The following MICU1 variants were observed in gnomAD, a reference collection of about 807,000 sequenced individuals.
MICU1 encodes mitochondrial calcium uptake 1.
A neutral mutation model predicts 56.8 loss-of-function variants in MICU1; 45 were observed. The observed-to-expected ratio is 0.79, with a 90% CI of 0.62 to 1.02. MICU1 has a LOEUF of 1.02. Ranked by LOEUF, MICU1 falls within the 50% of genes least tolerant of loss-of-function variation. The pLI is 0.00. For missense variants in MICU1, 504 were observed against 587.1 expected, an observed-to-expected ratio of 0.86 and a Z score of 1.46; for synonymous variants, 186 against 195.1, an observed-to-expected ratio of 0.95 and a Z score of 0.39.
intron 9 of MICU1, among the ~76,000 whole-genome samples, chr10:72,416,929 T>G (rs572015997): frequency 6.6e-6 from 1 of 152,290 alleles, no homozygotes; most frequent in South Asian, 2.1e-4. Flanking sequence ...AGCTCAAAGC[T>G]AAGTGAGTTA....
chr10:72,555,044 AAAAC>A (rs564609068), intron 3 of MICU1, among the ~76,000 whole-genome samples: 4 of 152,098 alleles, frequency 2.6e-5, no homozygotes, highest in African/African-American at 4.8e-5. Context: ...AAAAAAACCC[AAAAC>A]AAACAAACAA....
chr10:72,452,125 C>G (rs1318435457), intron 8 of MICU1, among the ~76,000 whole-genome samples: 2 of 152,174 alleles, frequency 1.3e-5, no homozygotes, highest in African/African-American at 4.8e-5. Flanking sequence ...ACCTCGGCCT[C>G]CCAAAGTGTT....
chr10:72,427,585 C>T lies in MICU1; in HGVS notation c.934-4214G>A, dbSNP rs536353543. On this transcript the variant is annotated intron_variant, in intron 8 of 11. Transcript: ENST00000361114. ...TCCATCCCCCAGAGTAAATCCTCTC[C>T]TCATACAAGTTTTCAGAATGATAAA... Among the ~76,000 whole-genome samples the T allele has an allele frequency of 3.9e-5, 6 of 152,040 alleles. No homozygotes were observed. The South Asian group carries it at 1.2e-3, about 32-fold the overall frequency.
intron 6 of MICU1, among the ~76,000 whole-genome samples, chr10:72,487,632 T>C (rs1268718147): frequency 1.3e-5 from 2 of 152,144 alleles, no homozygotes; most frequent in African/African-American, 4.8e-5. Flanking sequence ...TGTTATCTCT[T>C]CTGAAGGAGA....
chr10:72,468,506 C>T (rs769258228), intron 8 of MICU1, among the ~76,000 whole-genome samples: 27 of 151,740 alleles, frequency 1.8e-4, no homozygotes, highest in African/African-American at 4.1e-4. Context: ...TAGCCTTAGA[C>T]GAAATTTTTA....
chr10:72,533,261 T>A, intron 5 of MICU1: 1 of 642,080 alleles, frequency 1.6e-6, no homozygotes, highest in Non-Finnish European at 2.2e-6. Context: ...TTTATTCAGG[T>A]ATAAATAATT....
At chr10:72,488,532 G>A (rs900446197) in intron 6 of MICU1, among the ~76,000 whole-genome samples, 2 of 152,094 alleles carry the variant, frequency 1.3e-5, no homozygotes, top group African/African-American at 4.8e-5. Context: ...ATTATTTGCA[G>A]ATACTATAAA....
intron 1 of MICU1, among the ~76,000 whole-genome samples, chr10:72,609,064 A>G (rs1452331818): frequency 6.6e-6 from 1 of 152,250 alleles, no homozygotes; most frequent in African/African-American, 2.4e-5. Context: ...AATATTATTC[A>G]GCCATTTAAA....
intron 6 of MICU1, among the ~76,000 whole-genome samples, chr10:72,492,432 C>T (rs936843437): frequency 2.0e-5 from 3 of 152,192 alleles, no homozygotes; most frequent in South Asian, 4.1e-4. Flanking sequence ...GACAATTTTG[C>T]TGACAGATTG....
intron 8 of MICU1, among the ~76,000 whole-genome samples, chr10:72,448,971 G>A (rs189939683): frequency 1.3e-5 from 2 of 152,214 alleles, no homozygotes; most frequent in East Asian, 3.9e-4. Flanking sequence ...GTCTCACTCC[G>A]TCACCCAGGC....
chr10:72,378,012 G>T (rs1051314898), intron 10 of MICU1, among the ~76,000 whole-genome samples: 1 of 152,196 alleles, frequency 6.6e-6, no homozygotes, highest in Admixed American at 6.5e-5. Context: ...CACTTTGGGA[G>T]GCCAAGGCTG....
At chr10:72,532,349 T>G (rs1267663771) in intron 5 of MICU1, among the ~76,000 whole-genome samples, 1 of 152,048 alleles carries the variant, frequency 6.6e-6, no homozygotes, top group Non-Finnish European at 1.5e-5. Context: ...TAAAATGAAT[T>G]TGCTATAAGT....
chr10:72,559,252 A>G (rs1840232660), intron 3 of MICU1, among the ~76,000 whole-genome samples: 1 of 152,206 alleles, frequency 6.6e-6, no homozygotes, highest in Non-Finnish European at 1.5e-5. Flanking sequence ...ACCTCTGAAG[A>G]AGATGGAAGA....
intron 6 of MICU1, among the ~76,000 whole-genome samples, chr10:72,487,786 G>T (rs939606948): frequency 3.3e-5 from 5 of 152,168 alleles, no homozygotes; most frequent in African/African-American, 1.2e-4. Context: ...CTTTGTGAGA[G>T]CTTCAATGGG....
chr10:72,588,061 G>C (rs900339400), intron 1 of MICU1, among the ~76,000 whole-genome samples: 1 of 152,124 alleles, frequency 6.6e-6, no homozygotes, highest in Non-Finnish European at 1.5e-5. Flanking sequence ...CCTCATGGGA[G>C]GTGACTGGAT....
chr10:72,422,183 T>C (rs1864197685), intron 9 of MICU1, among the ~76,000 whole-genome samples: 1 of 152,124 alleles, frequency 6.6e-6, no homozygotes, highest in Non-Finnish European at 1.5e-5. Context: ...TTAGTGTTCT[T>C]ATAAGAAGAA....
intron 10 of MICU1, among the ~76,000 whole-genome samples, chr10:72,393,930 G>A (rs529872679): frequency 2.8e-4 from 43 of 152,086 alleles, no homozygotes; most frequent in African/African-American, 8.7e-4. Flanking sequence ...CACTGCACCC[G>A]GCTAATTTTT....
At chr10:72,605,824 T>C (rs577055714) in intron 1 of MICU1, among the ~76,000 whole-genome samples, 29 of 152,266 alleles carry the variant, frequency 1.9e-4, no homozygotes, top group Middle Eastern at 3.4e-3. Flanking sequence ...AACTACTGTA[T>C]AATTTAAGTA....
intron 8 of MICU1, among the ~76,000 whole-genome samples, chr10:72,448,245 G>A (rs1448060668): frequency 7.7e-6 from 1 of 130,618 alleles, no homozygotes; most frequent in Non-Finnish European, 1.6e-5. Context: ...TCTTGCCGAG[G>A]CTCACTGCAA....
Sources: gnomAD v4.1 joint callset for allele counts (sites outside exome capture counted in the v4.1 genomes callset) on GRCh38, gnomAD v4.1.1 for gene constraint, MANE v1.5 for transcripts, NCBI Gene and HGNC (gene_info 2026-07-23, HGNC 2026-07-21) for gene names.